The following ACVR1C variants were observed in gnomAD, a reference collection of about 807,000 sequenced individuals.
The protein encoded by ACVR1C is activin receptor type-1C.
ACVR1C carries 23 observed loss-of-function variants against 57.9 expected under a neutral mutation model. That is an observed-to-expected ratio of 0.40 (90% confidence interval 0.29 to 0.56). ACVR1C has a LOEUF of 0.56. Among genes scored for constraint, ACVR1C ranks in the 20% least tolerant of loss-of-function variants. The pLI, the probability that ACVR1C is intolerant of heterozygous loss-of-function variation, is 0.50. For missense variants in ACVR1C, 480 were observed against 607.9 expected, an observed-to-expected ratio of 0.79 and a Z score of 2.21; for synonymous variants, 214 against 215.3, an observed-to-expected ratio of 0.99 and a Z score of 0.05.
intron 1 of ACVR1C, among the ~76,000 whole-genome samples, chr2:157,614,193 A>C (rs1330062564): frequency 6.6e-6 from 1 of 152,198 alleles, no homozygotes; most frequent in African/African-American, 2.4e-5. Flanking sequence ...TGTGGGGTGG[A>C]TAGCAATGTC....
intron 1 of ACVR1C, among the ~76,000 whole-genome samples, chr2:157,610,419 GATAGGAGTTCCTTT>G (rs1326580208): frequency 6.6e-6 from 1 of 152,066 alleles, no homozygotes; most frequent in African/African-American, 2.4e-5. Flanking sequence ...CCTTTAAAAA[GATAGGAGTTCCTTT>G]ATAGGTGACG....
chr2:157,622,911 G>GA (rs971222343), intron 1 of ACVR1C, among the ~76,000 whole-genome samples: 35 of 151,722 alleles, frequency 2.3e-4, no homozygotes, highest in African/African-American at 5.1e-4. Flanking sequence ...ACACTGTAGG[G>GA]AAAAAAAATC....
chr2:157,599,314 C>CAAAAAAA (rs60182304), intron 1 of ACVR1C, among the ~76,000 whole-genome samples: 3 of 40,608 alleles, frequency 7.4e-5, no homozygotes, highest in Non-Finnish European at 4.2e-5. Context: ...AGCCTGGGCT[C>CAAAAAAA]AAAAAAAAAA....
At chr2:157,604,432 G>A (rs1682348714) in intron 1 of ACVR1C, among the ~76,000 whole-genome samples, 1 of 151,956 alleles carries the variant, frequency 6.6e-6, no homozygotes, top group South Asian at 2.1e-4. Context: ...CACACATCAG[G>A]AGCTTTTTTG....
At position 157,554,281 on chromosome 2, in the gene ACVR1C, A is replaced by AG. The variant is rs1558975198; in HGVS notation, c.544+1811_544+1812insC. Among the ~76,000 whole-genome samples, 211 of 122,392 alleles carry AG rather than the reference A, an allele frequency of 1.7e-3. 7 individuals are homozygous for AG. Among genetic ancestry groups the AG allele is most frequent in the African/African-American group, 8.3e-3 (197 of 23,642 alleles). 80.3% of individuals were successfully genotyped at this position (122,392 alleles called of 152,430 possible). A position where few individuals can be genotyped will look rare whatever the true frequency, so the allele number is the denominator to read the frequency against. On this transcript the variant is annotated intron_variant, in intron 3 of 8. Coordinates refer to ENST00000243349, the MANE Select transcript of ACVR1C (RefSeq NM_145259.3). Reference sequence around the variant, plus strand: ...AAAGAAAGAAAGAAAGGAAGGAAGGAAGAGAGAGAGAGAGAGAAAGAAAGA... The same window carrying AG: ...AAAGAAAGAAAGAAAGGAAGGAAGGAGAGAGAGAGAGAGAGAGAAAGAAAGA...
intron 1 of ACVR1C, among the ~76,000 whole-genome samples, chr2:157,595,771 G>A (rs1682083113): frequency 6.6e-6 from 1 of 152,136 alleles, no homozygotes; most frequent in South Asian, 2.1e-4. Flanking sequence ...TTTCACAGCT[G>A]TGATATAACA....
At chr2:157,551,676 C>A (rs1470304716) in intron 3 of ACVR1C, among the ~76,000 whole-genome samples, 1 of 152,028 alleles carries the variant, frequency 6.6e-6, no homozygotes, top group Admixed American at 6.6e-5. Flanking sequence ...CTCTTAAAAT[C>A]AAAGGAAAAA....
At chr2:157,614,804 C>A (rs1573956839) in intron 1 of ACVR1C, among the ~76,000 whole-genome samples, 1 of 152,138 alleles carries the variant, frequency 6.6e-6, no homozygotes, top group East Asian at 1.9e-4. Context: ...ATAGCCACCC[C>A]AGCTTTCTTA....
At chr2:157,542,544 C>G (rs1338953372) in intron 6 of ACVR1C, among the ~76,000 whole-genome samples, 162 bp downstream of exon 6, 1 of 152,196 alleles carries the variant, frequency 6.6e-6, no homozygotes. Context: ...TGCTTTATAA[C>G]CATTGCACCC....
At position 157,538,715 on chromosome 2, in the gene ACVR1C, T is replaced by C. The variant is rs1687546468; in HGVS notation, c.1226-12A>G. Reference sequence around the variant, plus strand: ...CTCCTCAACAATTCCTGTAAGAAATTTGTATAATAAATTTCCATGTGCAAA... The same window carrying C: ...CTCCTCAACAATTCCTGTAAGAAATCTGTATAATAAATTTCCATGTGCAAA... On this transcript the variant is annotated splice_polypyrimidine_tract_variant and intron_variant, in intron 7 of 8. Coordinates refer to ENST00000243349, the MANE Select transcript of ACVR1C (RefSeq NM_145259.3). The C allele has an allele frequency of 6.8e-7, 1 of 1,462,092 alleles. No homozygotes were observed. The highest frequency in any genetic ancestry group is 1.6e-5 in the South Asian group (1 of 62,732). 90.6% of individuals were successfully genotyped at this position (1,462,092 alleles called of 1,614,324 possible).
intron 6 of ACVR1C, among the ~76,000 whole-genome samples, chr2:157,541,570 A>G (rs1160927104): frequency 6.6e-6 from 1 of 152,160 alleles, no homozygotes; most frequent in Non-Finnish European, 1.5e-5. Context: ...CACCCTCCCA[A>G]GTTCTTGCAA....
At position 157,529,075 on chromosome 2, in the gene ACVR1C, GAGAA is replaced by G. The variant is rs1359425766; in HGVS notation, c.*4839_*4842del. 1 of 152,086 alleles carries G rather than the reference GAGAA, an allele frequency of 6.6e-6. No homozygotes were observed. Among genetic ancestry groups the G allele is most frequent in the Non-Finnish European group, 1.5e-5 (1 of 67,986 alleles). The allele number at this position is 152,086 out of a possible 1,614,324, so 9.4% of individuals were successfully genotyped here. A position where few individuals can be genotyped will look rare whatever the true frequency, so the allele number is the denominator to read the frequency against. On this transcript the variant is annotated 3_prime_UTR_variant, in exon 9 of 9. Coordinates refer to ENST00000243349, the MANE Select transcript of ACVR1C (RefSeq NM_145259.3). ...AATGAGAAACTGAGGGGAAAAAAAA[GAGAA>G]AGAGAGAAAAGTTAGATAATATCCC...
chr2:157,555,531 A>C (rs901349787), intron 3 of ACVR1C, among the ~76,000 whole-genome samples: 3 of 152,184 alleles, frequency 2.0e-5, no homozygotes. Context: ...TGCTCTCTTT[A>C]ATCTTCTGTT....
At position 157,578,395 on chromosome 2, in the gene ACVR1C, C is replaced by T. The variant is rs373425977; in HGVS notation, c.304+8792G>A. Among the ~76,000 whole-genome samples, 67 of 152,230 alleles carry T rather than the reference C, an allele frequency of 4.4e-4. No homozygotes were observed. The East Asian group carries it at 9.6e-3, about 22-fold the overall frequency. On this transcript the variant is annotated intron_variant, in intron 2 of 8. Coordinates refer to ENST00000243349, the MANE Select transcript of ACVR1C (RefSeq NM_145259.3). ...TAAGGTCCTTAGAACATTTTAACTC[C>T]GTTGGCCCCTCTCCTGACACATCCA...
chr2:157,618,773 G>A (rs1378811805), intron 1 of ACVR1C, among the ~76,000 whole-genome samples: 2 of 151,648 alleles, frequency 1.3e-5, no homozygotes, highest in Non-Finnish European at 3.0e-5. Context: ...ATAAAGATAA[G>A]CATGTCATAA....
intron 2 of ACVR1C, among the ~76,000 whole-genome samples, chr2:157,582,551 G>T (rs1195580395): frequency 6.6e-6 from 1 of 151,966 alleles, no homozygotes; most frequent in Non-Finnish European, 1.5e-5. Flanking sequence ...ACCAAACTAG[G>T]AATACAAGTA....
At chr2:157,594,135 T>A (rs1682024286) in intron 1 of ACVR1C, among the ~76,000 whole-genome samples, 1 of 152,178 alleles carries the variant, frequency 6.6e-6, no homozygotes, top group East Asian at 1.9e-4. Context: ...TTCAGCATAT[T>A]GTAAATTATT....
intron 1 of ACVR1C, 79 bp downstream of exon 1, chr2:157,628,493 C>A: frequency 6.8e-7 from 1 of 1,481,396 alleles, no homozygotes; most frequent in Admixed American, 1.9e-5. Flanking sequence ...CACCCCCTGT[C>A]CCCCACCCCC....
chr2:157,622,846 C>T (rs1335401415), intron 1 of ACVR1C, among the ~76,000 whole-genome samples: 8 of 152,018 alleles, frequency 5.3e-5, no homozygotes, highest in African/African-American at 1.7e-4. Flanking sequence ...AAAATATTTG[C>T]AAACTACCCC....
Sources: allele counts gnomAD v4.1 joint callset (sites outside exome capture counted in the v4.1 genomes callset), GRCh38; gene constraint gnomAD v4.1.1; transcripts MANE v1.5; gene names NCBI Gene and HGNC (gene_info 2026-07-23, HGNC 2026-07-21).